SIRPA: variants seen among roughly 807,000 people sequenced by gnomAD.
SIRPA encodes signal regulatory protein alpha, also known as tyrosine-protein phosphatase non-receptor type substrate 1.
SIRPA carries 9 observed loss-of-function variants against 50.3 expected under a neutral mutation model. That is an observed-to-expected ratio of 0.18 (90% CI 0.11 to 0.31). The LOEUF (loss-of-function observed/expected upper bound fraction) is 0.31, where lower values mean the gene tolerates loss of function less well. Ranked by LOEUF, SIRPA falls within the 10% of genes least tolerant of loss-of-function variation. The pLI is 1.00. For synonymous variants in SIRPA, 265 were observed against 284.1 expected (o/e 0.93, Z 0.68); for missense variants, 474 against 661.6 (o/e 0.72, Z 3.11).
intron 5 of SIRPA, among the ~76,000 whole-genome samples, chr20:1,926,319 C>T (rs1396408574): frequency 6.6e-6 from 1 of 152,266 alleles, no homozygotes; most frequent in Admixed American, 6.5e-5. Flanking sequence ...AGGTCCCTTC[C>T]CCACCAAGGG....
In SIRPA at chr20:1,931,865, G is replaced by A. The variant is rs140964504; in HGVS notation, c.1227-2850G>A. On this transcript the variant is annotated intron_variant, in intron 6 of 7. Transcript: ENST00000358771. ...TCCCTTAATGGGGCACTGATCATTC[G>A]ATCAGCCATTTATTCACTTGTCAGA... Among the ~76,000 whole-genome samples the A allele has an allele frequency of 5.2e-3, 793 of 152,272 alleles. 7 individuals carry two copies. The highest frequency in any genetic ancestry group is 0.019 in the African/African-American group (770 of 41,548).
At chr20:1,918,337 AG>A (rs1985426321) in intron 2 of SIRPA, among the ~76,000 whole-genome samples, 3 of 145,422 alleles carry the variant, frequency 2.1e-5, no homozygotes, top group African/African-American at 7.6e-5. Flanking sequence ...CTGGGATTAC[AG>A]GGGCACCCAC....
intron 5 of SIRPA, among the ~76,000 whole-genome samples, chr20:1,926,588 A>C (rs1260953283): frequency 6.6e-6 from 1 of 152,218 alleles, no homozygotes; most frequent in East Asian, 1.9e-4. Flanking sequence ...AGTATCCCCC[A>C]GCAGTTCCAA....
intron 1 of SIRPA, among the ~76,000 whole-genome samples, chr20:1,913,968 A>G (rs1600416694): frequency 1.3e-5 from 2 of 151,944 alleles, no homozygotes; most frequent in East Asian, 3.9e-4. Context: ...GCCAACCTCT[A>G]CAATTCCTTC....
rs530470897 is a variant in SIRPA, at chr20:1,907,100, T to C, written c.80-7999T>C. ...AGTCTTAGCACCTTAGAAGTTTACC[T>C]ACTGCATGGATGGGGCCACCAGAGT... is the stretch of plus-strand genomic sequence containing the variant. On this transcript the variant is annotated intron_variant, in intron 1 of 7. Transcript: ENST00000358771. Among the ~76,000 whole-genome samples the C allele has an allele frequency of 2.0e-5, 3 of 152,264 alleles. No homozygotes were observed. In the East Asian group the frequency reaches 5.8e-4, roughly 29 times the overall value.
At chr20:1,935,282 A>G (rs2122197063) in intron 7 of SIRPA, among the ~76,000 whole-genome samples, 1 of 152,338 alleles carries the variant, frequency 6.6e-6, no homozygotes, top group South Asian at 2.1e-4. Context: ...CATTGCTGAG[A>G]TGATTTTGCA....
At chr20:1,895,331 G>T (rs914016977), upstream of SIRPA, 3 of 619,550 alleles carry the variant, frequency 4.8e-6, no homozygotes, top group East Asian at 3.7e-5. Context: ...GAGTCGGGGG[G>T]AGGCCCAGCC....
rs17855613 is a variant in SIRPA at position 1,915,317 on chromosome 20, A to G, written c.298A>G (p.Asn100Asp). Residue 100 changes from asparagine (N) to aspartate (D), a missense_variant, in exon 2 of 8, where the codon AAC (asparagine) becomes GAC (aspartate). This residue lies in a region of SIRPA where 221 missense variants were observed against 359.9 expected (regional missense o/e 0.61). Transcript: ENST00000358771. ...VTTVSDLTKRNNMDFSIRIGN... is the reference protein window; with the variant it reads ...VTTVSDLTKRDNMDFSIRIGN... ...AACTGTTTCAGACCTCACAAAGAGAAACAACATGGACTTTTCCATCCGCAT... is the reference window on the plus strand; with the variant it reads ...AACTGTTTCAGACCTCACAAAGAGAGACAACATGGACTTTTCCATCCGCAT... 547,720 of 1,463,542 alleles carry G rather than the reference A, an allele frequency of 0.37. 122,772 individuals are homozygous for G. Among genetic ancestry groups the G allele is most frequent in the East Asian group, 0.66 (28,930 of 43,884 alleles). The allele number at this position is 1,463,542 out of a possible 1,614,324, so 90.7% of individuals were successfully genotyped here.
intron 1 of SIRPA, among the ~76,000 whole-genome samples, chr20:1,904,818 C>A (rs959771806): frequency 1.3e-5 from 2 of 152,136 alleles, no homozygotes; most frequent in Non-Finnish European, 2.9e-5. Flanking sequence ...CCCTGATGCT[C>A]CAGCCTGCAT....
intron 1 of SIRPA, among the ~76,000 whole-genome samples, chr20:1,907,101 A>G (rs1320716626): frequency 2.6e-5 from 4 of 152,148 alleles, no homozygotes; most frequent in African/African-American, 9.7e-5. Context: ...AAGTTTACCT[A>G]CTGCATGGAT....
intron 6 of SIRPA, among the ~76,000 whole-genome samples, chr20:1,931,980 T>C (rs1253658974): frequency 6.6e-6 from 1 of 152,174 alleles, no homozygotes; most frequent in African/African-American, 2.4e-5. Flanking sequence ...TGCCAAGCCT[T>C]GAGCAGAGGG....
Position 1,937,282 on chromosome 20 carries a change from C to T in SIRPA, c.1267-38C>T, listed in dbSNP as rs766395703. The T allele has an allele frequency of 2.5e-6, 4 of 1,594,548 alleles. No homozygotes were observed. Among genetic ancestry groups the T allele is most frequent in the Non-Finnish European group, 3.4e-6 (4 of 1,167,418 alleles). On this transcript the variant is annotated intron_variant, in intron 7 of 7. Coordinates refer to ENST00000358771, the MANE Select transcript of SIRPA (RefSeq NM_001040023.2). The surrounding 1 kb of genome is among the most constrained non-coding windows in gnomAD (Gnocchi z 8.3). Reference sequence around the variant, plus strand: ...GAGTGGGCCAGGGGCTATAGAATGACCTTCTCATGACTTTCTCTTTGGGTA... The same window carrying T: ...GAGTGGGCCAGGGGCTATAGAATGATCTTCTCATGACTTTCTCTTTGGGTA...
chr20:1,904,252 G>A (rs1984413486), intron 1 of SIRPA, among the ~76,000 whole-genome samples: 1 of 152,168 alleles, frequency 6.6e-6, no homozygotes, highest in Non-Finnish European at 1.5e-5. Flanking sequence ...AGAAACCCCG[G>A]AATTTGTACT....
In SIRPA at chr20:1,933,927, C is replaced by T. The variant is rs574988344; in HGVS notation, c.1227-788C>T. Among the ~76,000 whole-genome samples the T allele has an allele frequency of 2.6e-5, 4 of 152,152 alleles. No homozygotes were observed. The South Asian group carries it at 8.3e-4, about 32-fold the overall frequency. Reference sequence around the variant, plus strand: ...TTGGACATCTTGGTCTTTTTCTTTTCTTTCTTTAATGATGATACATAGATG... The same window carrying T: ...TTGGACATCTTGGTCTTTTTCTTTTTTTTCTTTAATGATGATACATAGATG... On this transcript the variant is annotated intron_variant, in intron 6 of 7. Coordinates refer to ENST00000358771, the MANE Select transcript of SIRPA (RefSeq NM_001040023.2). This position sits in a 1 kb window ranked among gnomAD's most constrained non-coding sequence, Gnocchi z 4.4.
At chr20:1,935,622 ATCT>A (rs1439251773) in intron 7 of SIRPA, among the ~76,000 whole-genome samples, 1 of 152,198 alleles carries the variant, frequency 6.6e-6, no homozygotes. Context: ...AGCGAGGGAG[ATCT>A]TCTCCCCCAT....
At chr20:1,903,954 T>G (rs1362838305) in intron 1 of SIRPA, among the ~76,000 whole-genome samples, 1 of 152,176 alleles carries the variant, frequency 6.6e-6, no homozygotes, top group Non-Finnish European at 1.5e-5. Context: ...TTACTCACTG[T>G]TGGGCCTCCC....
rs59157645 is a variant in SIRPA, at chr20:1,920,273, A to G, written c.437-1122A>G. Among the ~76,000 whole-genome samples the G allele has an allele frequency of 3.9e-3, 599 of 152,338 alleles. 1 individual carries two copies. Among genetic ancestry groups the G allele is most frequent in the African/African-American group, 0.013 (554 of 41,570 alleles). On this transcript the variant is annotated intron_variant, in intron 2 of 7. Coordinates refer to ENST00000358771, the MANE Select transcript of SIRPA (RefSeq NM_001040023.2). ...GGGGACATCCAGGCCGCTGGCCTCA[A>G]TGACTTGACTTCTTCAAGTGACACC...
Position 1,924,424 on chromosome 20 carries a change from C to T in SIRPA, c.1088-340C>T, listed in dbSNP as rs1026335541. On this transcript the variant is annotated intron_variant, in intron 4 of 7. Coordinates refer to ENST00000358771, the MANE Select transcript of SIRPA (RefSeq NM_001040023.2). The surrounding 1 kb of genome is among the most constrained non-coding windows in gnomAD (Gnocchi z 4.5). ...GTTTCCAGTGGATCTGGGGTGCCCT[C>T]ATGACCGCTCTGTGGTTCACTCCAG... Among the ~76,000 whole-genome samples the T allele has an allele frequency of 2.0e-5, 3 of 152,208 alleles. No homozygotes were observed. The highest frequency in any genetic ancestry group is 4.4e-5 in the Non-Finnish European group (3 of 68,036).
chr20:1,923,375 C>T (rs1390562745), intron 4 of SIRPA, among the ~76,000 whole-genome samples: 1 of 152,226 alleles, frequency 6.6e-6, no homozygotes, highest in Non-Finnish European at 1.5e-5. Flanking sequence ...TGGCTGATGC[C>T]CTGTACATAG....
Sources: gnomAD v4.1 joint callset for allele counts (sites outside exome capture counted in the v4.1 genomes callset) on GRCh38, gnomAD v4.1.1 for gene constraint, gnomAD v4.1.1 regional missense constraint, Gnocchi (gnomAD v3.1) non-coding constraint, MANE v1.5 for transcripts, NCBI Gene and HGNC (gene_info 2026-07-23, HGNC 2026-07-21) for gene names.